The following MGLL variants were observed in gnomAD, a reference collection of about 807,000 sequenced individuals.
MGLL encodes monoglyceride lipase.
In MGLL, 7 loss-of-function variants were observed where a neutral mutation model predicts 29.1. That is an observed-to-expected ratio of 0.24 (90% confidence interval 0.14 to 0.45). MGLL has a LOEUF of 0.45. MGLL is among the 20% of genes least tolerant of loss of function. MGLL has a pLI of 0.99. For synonymous variants in MGLL, 148 were observed against 168.3 expected (o/e 0.88, Z 0.93); for missense variants, 356 against 413.6 (o/e 0.86, Z 1.21).
chr3:127,816,796 G>T (rs75182888), intron 2 of MGLL, among the ~76,000 whole-genome samples: 1 of 152,204 alleles, frequency 6.6e-6, no homozygotes, highest in Non-Finnish European at 1.5e-5. Flanking sequence ...CCCCACTCCC[G>T]GGAGCAAGGG....
intron 3 of MGLL, among the ~76,000 whole-genome samples, chr3:127,750,529 C>CAGCA: frequency 6.6e-6 from 1 of 152,116 alleles, no homozygotes; most frequent in East Asian, 1.9e-4. Flanking sequence ...AAGCCCCAAA[C>CAGCA]AGCAGGTGGA....
intron 2 of MGLL, among the ~76,000 whole-genome samples, chr3:127,796,868 GA>G (rs1483891721): frequency 9.2e-5 from 14 of 152,324 alleles, no homozygotes; most frequent in African/African-American, 3.4e-4. Context: ...CCACCAGCCT[GA>G]AACAGACGGG....
rs376135237 is a variant in MGLL, at chr3:127,710,599, C to A, written c.577G>T (p.Val193Leu). The A allele has an allele frequency of 7.0e-6, 11 of 1,567,780 alleles. No homozygotes were observed. In the African/African-American group the frequency reaches 1.3e-4, roughly 19 times the overall value. The change falls in exon 6 of 8, where the codon GTG becomes TTG. Residue 193 changes from valine (V) to leucine (L), a missense_variant. By Grantham distance (32) the Val-to-Leu change is conservative. Transcript: ENST00000265052. The stretch of plus-strand genomic sequence containing the variant: ...ACCTCTGTCTTATTCCGAGAGAGCA[C>A]GCTGGAGTCGATGGGCCCGAGGGAC... ...NLSLGPIDSS[V>L]LSRNKTEVDI...
chr3:127,791,598 C>A (rs2077301642), intron 2 of MGLL, among the ~76,000 whole-genome samples: 1 of 152,222 alleles, frequency 6.6e-6, no homozygotes, highest in Admixed American at 6.5e-5. Context: ...TATATCATCT[C>A]CAGCCTCCTC....
chr3:127,770,238 T>C (rs779449979), intron 3 of MGLL, among the ~76,000 whole-genome samples: 64 of 151,914 alleles, frequency 4.2e-4, no homozygotes, highest in Admixed American at 2.6e-4. Context: ...CCCAGACTGG[T>C]CTCAAACTCC....
intron 3 of MGLL, among the ~76,000 whole-genome samples, chr3:127,740,172 T>G (rs1235453721): frequency 6.6e-6 from 1 of 152,216 alleles, no homozygotes; most frequent in Non-Finnish European, 1.5e-5. Flanking sequence ...AAACTTGTGG[T>G]AAATGTGCAT....
intron 3 of MGLL, among the ~76,000 whole-genome samples, chr3:127,748,730 G>A (rs565650058): frequency 3.9e-5 from 6 of 152,078 alleles, no homozygotes; most frequent in Non-Finnish European, 8.8e-5. Context: ...AGAACTGTGA[G>A]AAAATAAATC....
chr3:127,710,861 C>G, intron 5 of MGLL, 196 bp from the exon 6 acceptor site: 3 of 627,312 alleles, frequency 4.8e-6, no homozygotes, highest in Admixed American at 4.4e-5. Flanking sequence ...TTCAGCCTGG[C>G]TCTGCTCCAC....
intron 5 of MGLL, 68 bp from the exon 6 acceptor site, chr3:127,710,733 C>G: frequency 7.6e-7 from 1 of 1,317,052 alleles, no homozygotes; most frequent in East Asian, 2.5e-5. Flanking sequence ...TCCGCAGTGA[C>G]AGTTTACAGT....
chr3:127,760,069 C>T (rs989001270), intron 3 of MGLL, among the ~76,000 whole-genome samples: 2 of 152,096 alleles, frequency 1.3e-5, no homozygotes, highest in Admixed American at 6.6e-5. Context: ...GCAGGGAGAG[C>T]GCTGGATGTG....
At position 127,690,504 on chromosome 3, in the gene MGLL, G is replaced by T. The variant is rs2075222752; in HGVS notation, c.*1694C>A. 6.6e-6 allele frequency: 1 copy of T among 152,588 alleles called. No individual in the cohort carries two copies. Among genetic ancestry groups the T allele is most frequent in the Non-Finnish European group, 1.5e-5 (1 of 68,152 alleles). The allele number at this position is 152,588 out of a possible 1,614,324, so 9.5% of individuals were successfully genotyped here. ...AGGGGCACACTCTCCAGGAACCAAG[G>T]TTAGCCTCCAGAACAGGGCCTGGGA... On this transcript the variant is annotated 3_prime_UTR_variant, in exon 8 of 8. Transcript: ENST00000265052.
chr3:127,805,491 A>G (rs549255470), intron 2 of MGLL, among the ~76,000 whole-genome samples: 1 of 152,162 alleles, frequency 6.6e-6, no homozygotes, highest in Non-Finnish European at 1.5e-5. Context: ...CAGACCTGGC[A>G]TTCCTAACTG....
intron 3 of MGLL, among the ~76,000 whole-genome samples, chr3:127,746,358 G>C (rs2107662242): frequency 6.6e-6 from 1 of 152,224 alleles, no homozygotes; most frequent in South Asian, 2.1e-4. Flanking sequence ...ACTGCTCACA[G>C]CACTCTCTTG....
intron 3 of MGLL, among the ~76,000 whole-genome samples, chr3:127,774,394 C>T (rs2076998309): frequency 6.6e-6 from 1 of 152,240 alleles, no homozygotes; most frequent in African/African-American, 2.4e-5. Flanking sequence ...GACATAACAC[C>T]TCTCCTTATT....
At chr3:127,738,002 G>A (rs1432928196) in intron 3 of MGLL, among the ~76,000 whole-genome samples, 4 of 152,092 alleles carry the variant, frequency 2.6e-5, no homozygotes, top group East Asian at 1.9e-4. Flanking sequence ...TAAGAATAAC[G>A]TAAGAAGTGC....
At chr3:127,803,276 G>C (rs950750143) in intron 2 of MGLL, among the ~76,000 whole-genome samples, 1 of 151,976 alleles carries the variant, frequency 6.6e-6, no homozygotes, top group African/African-American at 2.4e-5. Context: ...CACCACACCT[G>C]GCACAAGCCT....
Position 127,812,725 on chromosome 3 carries a change from C to G in MGLL, c.155+8969G>C, listed in dbSNP as rs1161046457. Among the ~76,000 whole-genome samples, 4 of 152,138 alleles carry G rather than the reference C, an allele frequency of 2.6e-5. No individual in the cohort carries two copies. The East Asian group carries it at 7.7e-4, about 29-fold the overall frequency. ...GGAATCAAGAGAGTTCACGTTGACC[C>G]CTCAGGGAGCCCACATTTCTCTCTT... On this transcript the variant is annotated intron_variant, in intron 2 of 7. Transcript: ENST00000265052.
intron 3 of MGLL, among the ~76,000 whole-genome samples, chr3:127,744,609 G>A (rs537460295): frequency 1.3e-5 from 2 of 152,288 alleles, no homozygotes; most frequent in East Asian, 3.9e-4. Flanking sequence ...AGTGGGGAGA[G>A]GCTTTTGCCA....
At position 127,781,802 on chromosome 3, in the gene MGLL, G is replaced by A. The variant is rs775022435; in HGVS notation, c.249C>T (p.Phe83=). Residue 83 remains phenylalanine, a synonymous_variant, in exon 3 of 8, where the codon TTC becomes TTT. Transcript: ENST00000265052. The part of the protein sequence containing the change: ...RMLMGLDLLV[F]AHDHVGHGQS... ...TGGGACACTCACCATGGTCGTGGGC[G>A]AACACCAGCAGGTCCAGCCCCATCA... 1.1e-5 allele frequency: 17 copies of A among 1,613,932 alleles called. No homozygotes were observed. The highest frequency in any genetic ancestry group is 2.2e-5 in the East Asian group (1 of 44,898).
Sources: allele counts gnomAD v4.1 joint callset (sites outside exome capture counted in the v4.1 genomes callset), GRCh38; gene constraint gnomAD v4.1.1; transcripts MANE v1.5; gene names NCBI Gene and HGNC (gene_info 2026-07-23, HGNC 2026-07-21).